Variants in PXYLP1 observed in about 807,000 individuals in gnomAD.
PXYLP1 encodes the protein 2-phosphoxylose phosphatase 1.
Under a neutral mutation model 37.9 loss-of-function variants are expected in PXYLP1, and 17 were observed. The observed-to-expected ratio is 0.45, with a 90% CI of 0.31 to 0.67. The LOEUF (loss-of-function observed/expected upper bound fraction) is 0.67. PXYLP1 is among the 30% of genes least tolerant of loss of function. The probability of loss-of-function intolerance (pLI) is 0.07; values close to 1 mark genes in which losing one functional copy is unlikely to be tolerated. For missense variants in PXYLP1, 511 were observed against 612.0 expected, an observed-to-expected ratio of 0.84 and a Z score of 1.74; for synonymous variants, 221 against 232.2, an observed-to-expected ratio of 0.95 and a Z score of 0.44.
chr3:141,281,039 A>G (rs1022167025), intron 4 of PXYLP1, among the ~76,000 whole-genome samples: 7 of 152,252 alleles, frequency 4.6e-5, no homozygotes, highest in Non-Finnish European at 7.3e-5. Flanking sequence ...TTTAGCCAGC[A>G]TTAAGGTTAT....
intron 5 of PXYLP1, chr3:141,291,524 T>C (rs536115122): frequency 6.6e-6 from 1 of 152,386 alleles, no homozygotes; most frequent in Non-Finnish European, 1.5e-5. Context: ...CCAAAGTTTC[T>C]TTATGCAAAA....
intron 2 of PXYLP1, among the ~76,000 whole-genome samples, chr3:141,263,225 G>A (rs900472356): frequency 1.3e-5 from 2 of 152,174 alleles, no homozygotes; most frequent in East Asian, 1.9e-4. Context: ...TGTGTTTGAC[G>A]TTTTTCTACA....
chr3:141,244,831 T>C (rs1230069415), intron 1 of PXYLP1, among the ~76,000 whole-genome samples: 1 of 151,946 alleles, frequency 6.6e-6, no homozygotes, highest in African/African-American at 2.4e-5. Flanking sequence ...TTTTGTAGGA[T>C]AGAAACCTGA....
intron 1 of PXYLP1, among the ~76,000 whole-genome samples, chr3:141,252,033 G>A (rs1015695743): frequency 2.0e-5 from 3 of 152,186 alleles, no homozygotes; most frequent in Non-Finnish European, 4.4e-5. Context: ...CTCAGAGATT[G>A]TTCTCACTTC....
At chr3:141,262,271 G>A (rs1012615570) in intron 2 of PXYLP1, 2 of 991,700 alleles carry the variant, frequency 2.0e-6, no homozygotes, top group Non-Finnish European at 2.4e-6. Context: ...AAGAAGGTGG[G>A]CATCAGAAGT....
intron 1 of PXYLP1, among the ~76,000 whole-genome samples, chr3:141,240,883 T>C (rs1178584606): frequency 1.3e-5 from 2 of 151,504 alleles, no homozygotes; most frequent in Non-Finnish European, 2.9e-5. Context: ...ATTATCCCCC[T>C]GTCTTGACAC....
intron 5 of PXYLP1, among the ~76,000 whole-genome samples, chr3:141,288,861 A>ACT (rs1431213028): frequency 6.6e-6 from 1 of 152,198 alleles, no homozygotes; most frequent in Non-Finnish European, 1.5e-5. Context: ...ATGCCACTGC[A>ACT]CTCCAGCCTG....
intron 2 of PXYLP1, among the ~76,000 whole-genome samples, chr3:141,270,851 A>T (rs1051027050): frequency 3.9e-5 from 6 of 152,158 alleles, no homozygotes; most frequent in African/African-American, 1.4e-4. Context: ...AGGAAACAGG[A>T]ATAATCACAT....
chr3:141,288,736 A>ATT (rs1381072563), intron 5 of PXYLP1, among the ~76,000 whole-genome samples: 1 of 152,064 alleles, frequency 6.6e-6, no homozygotes, highest in Non-Finnish European at 1.5e-5. Context: ...TCTACAAACA[A>ATT]TTTTTTAAAA....
chr3:141,271,933 G>A (rs546662621), intron 2 of PXYLP1, among the ~76,000 whole-genome samples: 13 of 152,214 alleles, frequency 8.5e-5, no homozygotes, highest in Admixed American at 6.5e-4. Context: ...TGGGTCTGTC[G>A]CCACAGAAGG....
chr3:141,253,035 T>A (rs979410832), intron 1 of PXYLP1, among the ~76,000 whole-genome samples: 1 of 151,848 alleles, frequency 6.6e-6, no homozygotes, highest in Non-Finnish European at 1.5e-5. Flanking sequence ...AAAATAAGGG[T>A]AGGTTCATGA....
intron 1 of PXYLP1, chr3:141,236,385 G>GA (rs1940658316): frequency 6.6e-6 from 1 of 152,108 alleles, no homozygotes; most frequent in Non-Finnish European, 1.5e-5. Context: ...ATATTAAGAT[G>GA]AAAATTATTG....
At chr3:141,268,204 A>T (rs4068568) in intron 2 of PXYLP1, among the ~76,000 whole-genome samples, 3,321 of 29,474 alleles carry the variant, frequency 0.11, 161 homozygotes, top group African/African-American at 0.27. Context: ...AGAGAGAGAG[A>T]GAGTGTGTGT....
intron 1 of PXYLP1, among the ~76,000 whole-genome samples, chr3:141,235,759 G>A (rs956467733): frequency 3.3e-5 from 5 of 152,202 alleles, no homozygotes; most frequent in African/African-American, 9.7e-5. Context: ...TGGCAGCCAC[G>A]AGGAGGCACC....
Position 141,292,552 on chromosome 3 carries a change from C to G in PXYLP1, c.790C>G (p.Leu264Val). 6.2e-7 allele frequency: 1 copy of G among 1,614,028 alleles called. No individual in the cohort carries two copies. Among genetic ancestry groups the G allele is most frequent in the Non-Finnish European group, 8.5e-7 (1 of 1,179,916 alleles). The change falls in exon 6 of 6, where the codon CTA becomes GTA. Residue 264 changes from leucine to valine, a missense_variant. Leu to Val is a conservative substitution (Grantham distance 32). Transcript: ENST00000286353. The surrounding 1 kb of genome is among the most constrained non-coding windows in gnomAD (Gnocchi z 4.3). Reference protein sequence around the residue: ...LEKEQRRQYLLRLKNSQLEKT... With the variant: ...LEKEQRRQYLVRLKNSQLEKT... ...AAAGGAGCAGCGTCGTCAGTACCTC[C>G]TACGTTTGAAAAACAGCCAGCTGGA...
intron 4 of PXYLP1, among the ~76,000 whole-genome samples, chr3:141,282,709 A>G (rs1941982666): frequency 6.6e-6 from 1 of 152,248 alleles, no homozygotes; most frequent in Non-Finnish European, 1.5e-5. Context: ...AAGTGGCAGC[A>G]GAGATGGAGA....
Position 141,287,366 on chromosome 3 carries a change from T to C in PXYLP1, c.418T>C (p.Ser140Pro), listed in dbSNP as rs1324047384. Residue 140 changes from serine to proline, a missense_variant, in exon 5 of 6, where the codon TCC (serine) becomes CCC (proline). Transcript: ENST00000286353. Reference protein sequence around the residue: ...EAFISHMSKGSGASFESPLNS... With the variant: ...EAFISHMSKGPGASFESPLNS... ...TTTCATTAGTCACATGTCAAAAGGA[T>C]CCGGAGCCTCTTTCGAAAGCCCCTT... 1 of 1,614,152 alleles carries C rather than the reference T, an allele frequency of 6.2e-7. No individual in the cohort carries two copies. Among genetic ancestry groups the C allele is most frequent in the Non-Finnish European group, 8.5e-7 (1 of 1,180,014 alleles).
At chr3:141,261,103 C>G (rs1231577643) in intron 2 of PXYLP1, among the ~76,000 whole-genome samples, 2 of 152,202 alleles carry the variant, frequency 1.3e-5, no homozygotes, top group African/African-American at 4.8e-5. Flanking sequence ...ATCAGGATGC[C>G]CTGAATCCTT....
At chr3:141,276,619 C>T (rs1007815528) in intron 2 of PXYLP1, among the ~76,000 whole-genome samples, 3 of 152,174 alleles carry the variant, frequency 2.0e-5, no homozygotes, top group Non-Finnish European at 2.9e-5. Context: ...ATCTCTTTGG[C>T]CACACATTTT....
Sources: gnomAD v4.1 joint callset for allele counts (sites outside exome capture counted in the v4.1 genomes callset) on GRCh38, gnomAD v4.1.1 for gene constraint, Gnocchi (gnomAD v3.1) non-coding constraint, MANE v1.5 for transcripts, NCBI Gene and HGNC (gene_info 2026-07-23, HGNC 2026-07-21) for gene names.